NAV1: variants seen among roughly 807,000 people sequenced by gnomAD.
NAV1 encodes neuron navigator 1, also known as pore membrane and/or filament interacting like protein 3.
A neutral mutation model predicts 175.2 loss-of-function variants in NAV1; 18 were observed. The ratio of observed to expected loss-of-function variants is 0.10; its 90% CI spans 0.07 to 0.15. The LOEUF is 0.15. NAV1 is among the 10% of genes least tolerant of loss of function. The pLI, the probability that NAV1 is intolerant of heterozygous loss-of-function variation, is 1.00. For missense variants in NAV1, 1,731 were observed against 2,436.6 expected, an observed-to-expected ratio of 0.71 and a Z score of 6.10; for synonymous variants, 897 against 978.7, an observed-to-expected ratio of 0.92 and a Z score of 1.56.
rs898705061 is a variant in NAV1 at position 201,787,506 on chromosome 1, G to C, written c.2995+929G>C. On this transcript the variant is annotated intron_variant, in intron 9 of 29. Transcript: ENST00000367296. This position sits in a 1 kb window ranked among gnomAD's most constrained non-coding sequence, Gnocchi z 4.3. ...CCCTCTGAAGGGCTACTAAATGGAG[G>C]ATGGGGCCAGCTTGTTCTCTATCTC... 3 of 370,198 alleles carry C rather than the reference G, an allele frequency of 8.1e-6. No individual in the cohort carries two copies. The highest frequency in any genetic ancestry group is 6.3e-5 in the African/African-American group (3 of 47,556). 22.9% of individuals were successfully genotyped at this position (370,198 alleles called of 1,614,324 possible).
chr1:201,767,655 C>T (rs1042308964), intron 3 of NAV1, among the ~76,000 whole-genome samples: 1 of 152,182 alleles, frequency 6.6e-6, no homozygotes, highest in African/African-American at 2.4e-5. Flanking sequence ...TTCGAGTACT[C>T]ATTAGCTACA....
intron 1 of NAV1, among the ~76,000 whole-genome samples, chr1:201,703,902 A>G (rs1445440237): frequency 1.3e-5 from 2 of 152,226 alleles, no homozygotes; most frequent in Non-Finnish European, 1.5e-5. Context: ...TCCCAGCCTC[A>G]AGAACACTGC....
At chr1:201,555,988 G>C (rs1665999969) in intron 1 of NAV1, among the ~76,000 whole-genome samples, 1 of 152,126 alleles carries the variant, frequency 6.6e-6, no homozygotes, top group South Asian at 2.1e-4. Context: ...GGGAGACTTA[G>C]GATTTCAGGT....
intron 2 of NAV1, among the ~76,000 whole-genome samples, chr1:201,600,162 G>A (rs1183508776): frequency 1.3e-5 from 2 of 152,182 alleles, no homozygotes; most frequent in Non-Finnish European, 2.9e-5. Context: ...TGTACCAGAG[G>A]GGTCCCCAAG....
chr1:201,776,712 C>CA (rs1221531154), intron 3 of NAV1, among the ~76,000 whole-genome samples: 4 of 150,150 alleles, frequency 2.7e-5, no homozygotes, highest in South Asian at 4.2e-4. Context: ...GAAAATCAGC[C>CA]AAAAAATCTG....
intron 1 of NAV1, among the ~76,000 whole-genome samples, chr1:201,556,617 G>A (rs534812475): frequency 1.7e-4 from 26 of 152,240 alleles, no homozygotes; most frequent in African/African-American, 4.1e-4. Context: ...GGGAACTGGG[G>A]GGCCTTCCAG....
intron 1 of NAV1, among the ~76,000 whole-genome samples, chr1:201,706,922 G>A (rs938570306): frequency 1.3e-5 from 2 of 152,118 alleles, no homozygotes; most frequent in African/African-American, 4.8e-5. Flanking sequence ...TCTGAATTTT[G>A]GGGGGTTATT....
chr1:201,763,170 T>C (rs1571467627), intron 3 of NAV1, among the ~76,000 whole-genome samples: 2 of 152,360 alleles, frequency 1.3e-5, no homozygotes, highest in African/African-American at 2.4e-5. Flanking sequence ...AAAATCATTT[T>C]CCTTGATGTT....
In NAV1 at chr1:201,772,043, G is replaced by T. The variant is rs1157625643; in HGVS notation, c.1227-8378G>T. On this transcript the variant is annotated intron_variant, in intron 3 of 29. Transcript: ENST00000367296. Reference sequence around the variant, plus strand: ...TTGTTTTCATATAAGCAATGAGTGAGTGCCCACTGTATACAAGATATTGTA... The same window carrying T: ...TTGTTTTCATATAAGCAATGAGTGATTGCCCACTGTATACAAGATATTGTA... Among the ~76,000 whole-genome samples the T allele has an allele frequency of 3.9e-5, 6 of 152,218 alleles. No homozygotes were observed. In the East Asian group the frequency reaches 1.2e-3, roughly 29 times the overall value.
intron 3 of NAV1, among the ~76,000 whole-genome samples, chr1:201,727,792 G>A (rs1011863809): frequency 5.3e-5 from 8 of 152,232 alleles, no homozygotes; most frequent in Non-Finnish European, 1.0e-4. Flanking sequence ...ATACACCTCA[G>A]TGTTGCCCCA....
chr1:201,633,400 CCTGT>C (rs1183820480), intron 2 of NAV1, among the ~76,000 whole-genome samples: 1 of 152,152 alleles, frequency 6.6e-6, no homozygotes, highest in Non-Finnish European at 1.5e-5. Context: ...TTATATAAAA[CCTGT>C]CTGAGGACAT....
At chr1:201,710,313 G>C (rs968874293) in intron 1 of NAV1, among the ~76,000 whole-genome samples, 13 of 151,366 alleles carry the variant, frequency 8.6e-5, no homozygotes, top group South Asian at 2.1e-4. Flanking sequence ...TTGAAACAGG[G>C]TCTCACTCTG....
intron 1 of NAV1, among the ~76,000 whole-genome samples, chr1:201,577,696 CT>C (rs766385967): frequency 1.3e-4 from 20 of 152,114 alleles, no homozygotes; most frequent in Non-Finnish European, 2.1e-4. Flanking sequence ...AACAAAGTCT[CT>C]TAGTTTCTCT....
chr1:201,693,984 G>T (rs1348190609), intron 1 of NAV1, among the ~76,000 whole-genome samples: 1 of 152,222 alleles, frequency 6.6e-6, no homozygotes, highest in East Asian at 1.9e-4. Context: ...CCGGCCTCCA[G>T]CCAGGGCTTG....
intron 1 of NAV1, among the ~76,000 whole-genome samples, chr1:201,570,783 C>A (rs1268791362): frequency 1.3e-5 from 2 of 152,320 alleles, no homozygotes; most frequent in Admixed American, 6.5e-5. Context: ...ATGGAGGAGG[C>A]CTGTTCCCAG....
chr1:201,666,747 G>A (rs1023290410), intron 1 of NAV1, among the ~76,000 whole-genome samples: 3 of 152,024 alleles, frequency 2.0e-5, no homozygotes, highest in South Asian at 2.1e-4. Flanking sequence ...GGGTGGGAGC[G>A]GCCTTCCCTC....
At position 201,539,278 on chromosome 1, in the gene NAV1, C is replaced by G. The variant is rs1443237777; in HGVS notation, c.-208C>G. On this transcript the variant is annotated 5_prime_UTR_variant, in exon 1 of 34. Transcript: ENST00000685211. The surrounding 1 kb of genome is among the most constrained non-coding windows in gnomAD (Gnocchi z 5.6). ...AAGCGGACCCCGCACCCGCGCTGCCCTTGGGGATGCGCGACTCTGCGCGGC... is the reference window on the plus strand; with the variant it reads ...AAGCGGACCCCGCACCCGCGCTGCCGTTGGGGATGCGCGACTCTGCGCGGC... 1.3e-5 allele frequency among the ~76,000 whole-genome samples: 2 copies of G among 152,024 alleles called. No individual in the cohort carries two copies. The highest frequency in any genetic ancestry group is 4.1e-4 in the South Asian group (2 of 4,834).
At chr1:201,645,412 GA>G (rs1668944048), upstream of NAV1, among the ~76,000 whole-genome samples, 1 of 98,284 alleles carries the variant, frequency 1.0e-5, no homozygotes, top group African/African-American at 4.1e-5. Context: ...GGGGTGGGGG[GA>G]GGGGGGAGGG....
chr1:201,551,623 C>T (rs1048362000), intron 1 of NAV1, among the ~76,000 whole-genome samples: 2 of 152,120 alleles, frequency 1.3e-5, no homozygotes, highest in Admixed American at 1.3e-4. Flanking sequence ...ATTTACTTTG[C>T]TATCACATTT....
Sources: allele counts gnomAD v4.1 joint callset (sites outside exome capture counted in the v4.1 genomes callset), GRCh38; gene constraint gnomAD v4.1.1; non-coding constraint Gnocchi (gnomAD v3.1); transcripts MANE v1.5; gene names NCBI Gene and HGNC (gene_info 2026-07-23, HGNC 2026-07-21).